ZCCHC14: variants seen among roughly 807,000 people sequenced by gnomAD.
The protein encoded by ZCCHC14 is zinc finger CCHC-type containing 14.
ZCCHC14 carries 16 observed loss-of-function variants against 85.0 expected under a neutral mutation model. That is an observed-to-expected ratio of 0.19 (90% CI 0.13 to 0.29). The LOEUF (loss-of-function observed/expected upper bound fraction) is 0.29. Ranked by LOEUF, ZCCHC14 falls within the 10% of genes least tolerant of loss-of-function variation. ZCCHC14 has a pLI of 1.00. For missense variants in ZCCHC14, 1,303 were observed against 1,443.5 expected (o/e 0.90, Z 1.58); for synonymous variants, 775 against 630.7 (o/e 1.23, Z -3.43).
intron 10 of ZCCHC14, among the ~76,000 whole-genome samples, chr16:87,413,464 C>G (rs1908595025): frequency 6.6e-6 from 1 of 152,284 alleles, no homozygotes; most frequent in African/African-American, 2.4e-5. Context: ...GCACCCCCAG[C>G]GCACCCCCAG....
Position 87,412,794 on chromosome 16 carries a change from G to T in ZCCHC14, c.1927C>A (p.Pro643Thr). The T allele has an allele frequency of 6.2e-7, 1 of 1,613,328 alleles. No individual in the cohort carries two copies. The highest frequency in any genetic ancestry group is 8.5e-7 in the Non-Finnish European group (1 of 1,179,522). Reference sequence around the variant, plus strand: ...TGCACGGAATTCAGCATGCGGATGGGTGTGATGTGTGAGGCTGCGCTCAGC... The same window carrying T: ...TGCACGGAATTCAGCATGCGGATGGTTGTGATGTGTGAGGCTGCGCTCAGC... The part of the protein sequence containing the change: ...QMLSAASHIT[P>T]IRMLNSVHKP... The change falls in exon 12 of 13, where the codon CCC becomes ACC. Residue 643 changes from proline (P) to threonine (T), a missense_variant. Physicochemically the swap from Pro to Thr is conservative, Grantham distance 38. Around this residue, in one of 7 missense-constraint regions of ZCCHC14, gnomAD observed 797 missense variants for 730.8 expected, o/e 1.09. Coordinates refer to ENST00000671377, the MANE Select transcript of ZCCHC14 (RefSeq NM_015144.3).
At position 87,408,488 on chromosome 16, in the gene ZCCHC14, G is replaced by C. The variant is rs1908299777; in HGVS notation, c.*1792C>G. The C allele has an allele frequency of 6.6e-6, 1 of 152,424 alleles. No homozygotes were observed. The highest frequency in any genetic ancestry group is 2.1e-4 in the South Asian group (1 of 4,824). 9.4% of individuals were successfully genotyped at this position (152,424 alleles called of 1,614,324 possible). On this transcript the variant is annotated 3_prime_UTR_variant, in exon 13 of 13. Transcript: ENST00000671377. The stretch of plus-strand genomic sequence containing the variant: ...AAGTTGTGTCAGTTCTCATTATTTT[G>C]ACATTTTGTAGTGTTTACAATTTAA...
rs757478004 is a variant in ZCCHC14, at chr16:87,433,162, G to C, written c.734C>G (p.Thr245Arg). The change falls in exon 3 of 13, where the codon ACA becomes AGA. Residue 245 changes from threonine (T) to arginine (R), a missense_variant. Transcript: ENST00000671377. ...ACATTCAACATTTCTGTCATTTTTTGTGTGTGATAATCCCTTCAGGTCTAT... is the reference window on the plus strand; with the variant it reads ...ACATTCAACATTTCTGTCATTTTTTCTGTGTGATAATCCCTTCAGGTCTAT... The part of the protein sequence containing the change: ...EKIDLKGLSH[T>R]KNDRNVECSF... The C allele has an allele frequency of 2.5e-6, 4 of 1,614,006 alleles. No individual in the cohort carries two copies. In the African/African-American group the frequency reaches 4.0e-5, roughly 16 times the overall value.
chr16:87,424,190 G>C (rs1216364288), intron 3 of ZCCHC14, among the ~76,000 whole-genome samples: 1 of 152,226 alleles, frequency 6.6e-6, no homozygotes, highest in African/African-American at 2.4e-5. Flanking sequence ...TGTGTGCCCT[G>C]TTCAACTTCC....
chr16:87,413,344 C>T lies in ZCCHC14; in HGVS notation c.1604-149G>A, dbSNP rs558249023. 5.1e-5 allele frequency: 60 copies of T among 1,168,654 alleles called. No individual in the cohort carries two copies. The African/African-American group carries it at 6.8e-4, about 13-fold the overall frequency. The allele number at this position is 1,168,654 out of a possible 1,614,324, so 72.4% of individuals were successfully genotyped here. ...AGAAAACGAACACGCCGGCCCAGGC[C>T]GCACGGTGACGGATGCAGCAGAGAT... On this transcript the variant is annotated intron_variant, in intron 10 of 12. Coordinates refer to ENST00000671377, the MANE Select transcript of ZCCHC14 (RefSeq NM_015144.3).
At chr16:87,438,969 G>A (rs1403771188) in intron 2 of ZCCHC14, among the ~76,000 whole-genome samples, 1 of 152,166 alleles carries the variant, frequency 6.6e-6, no homozygotes, top group Non-Finnish European at 1.5e-5. Flanking sequence ...TGGATTATAA[G>A]GGACTCAGAA....
chr16:87,429,588 C>T (rs1442882436), intron 3 of ZCCHC14, among the ~76,000 whole-genome samples: 1 of 152,178 alleles, frequency 6.6e-6, no homozygotes, highest in South Asian at 2.1e-4. Flanking sequence ...CAAGACCAGT[C>T]TGGGTGACAG....
intron 2 of ZCCHC14, among the ~76,000 whole-genome samples, chr16:87,447,921 T>G (rs1254005296): frequency 1.3e-5 from 2 of 152,224 alleles, no homozygotes; most frequent in Non-Finnish European, 2.9e-5. Flanking sequence ...CCTGTGGCTT[T>G]GATGTGCATT....
rs1301918352 is a variant in ZCCHC14 at position 87,412,174 on chromosome 16, G to A, written c.2547C>T (p.His849=). ...ANSNTASPSS[H]PSTSFANMAT... ...CCATGTTGGCAAAGGACGTGGAGGG[G>A]TGGCTGCTGGGAGAGGCAGTGTTGC... Residue 849 remains histidine (H), a synonymous_variant, in exon 12 of 13, where the codon CAC becomes CAT. Transcript: ENST00000671377. 3.1e-6 allele frequency: 5 copies of A among 1,613,960 alleles called. 1 individual carries two copies. The highest frequency in any genetic ancestry group is 4.2e-6 in the Non-Finnish European group (5 of 1,180,042).
At chr16:87,458,324 G>A (rs925256460) in intron 2 of ZCCHC14, among the ~76,000 whole-genome samples, 1 of 152,136 alleles carries the variant, frequency 6.6e-6, no homozygotes, top group Non-Finnish European at 1.5e-5. Flanking sequence ...CTGCAATTCC[G>A]ACGCCAAGTG....
intron 2 of ZCCHC14, among the ~76,000 whole-genome samples, chr16:87,455,797 TTC>T (rs1217241156): frequency 1.3e-5 from 2 of 152,184 alleles, no homozygotes; most frequent in African/African-American, 4.8e-5. Flanking sequence ...CATACAACCA[TTC>T]TGTTTTCCAC....
chr16:87,410,629 C>A (rs917216482), intron 12 of ZCCHC14, among the ~76,000 whole-genome samples: 1 of 152,226 alleles, frequency 6.6e-6, no homozygotes, highest in African/African-American at 2.4e-5. Flanking sequence ...CTCTAACATG[C>A]GTCCTTTCAC....
intron 1 of ZCCHC14, chr16:87,471,637 G>C (rs1567539901): frequency 6.6e-6 from 1 of 152,312 alleles, no homozygotes; most frequent in African/African-American, 2.4e-5. Flanking sequence ...TCCCACCAGG[G>C]GCCAACCACA....
intron 2 of ZCCHC14, among the ~76,000 whole-genome samples, chr16:87,433,430 G>C (rs1311801066): frequency 6.6e-6 from 1 of 152,102 alleles, no homozygotes; most frequent in East Asian, 1.9e-4. Context: ...AGCCACACCT[G>C]GCAATGGAAG....
At chr16:87,458,845 G>A (rs950058809) in intron 2 of ZCCHC14, among the ~76,000 whole-genome samples, 20 of 152,132 alleles carry the variant, frequency 1.3e-4, no homozygotes, top group Admixed American at 9.2e-4. Context: ...AGCCGGCCTC[G>A]GTACCTCTAT....
At position 87,423,872 on chromosome 16, in the gene ZCCHC14, A is replaced by C; in HGVS notation, c.778T>G (p.Ser260Ala). 2 of 1,614,084 alleles carry C rather than the reference A, an allele frequency of 1.2e-6. No homozygotes were observed. The highest frequency in any genetic ancestry group is 1.7e-6 in the Non-Finnish European group (2 of 1,179,992). The change falls in exon 4 of 13, where the codon TCT (serine) becomes GCT (alanine). Residue 260 changes from serine (S) to alanine (A), a missense_variant. Physicochemically the swap from Ser to Ala is moderately conservative, Grantham distance 99. Coordinates refer to ENST00000671377, the MANE Select transcript of ZCCHC14 (RefSeq NM_015144.3). Reference protein sequence around the residue: ...NVECSFEVLWSDSSITSVTKS... With the variant: ...NVECSFEVLWADSSITSVTKS... ...GTTACTGATGTTATTGAAGAATCAG[A>C]CCACAAGACCTTAAAAACAAACAAA...
chr16:87,420,773 A>G lies in ZCCHC14; in HGVS notation c.841-57T>C. The G allele has an allele frequency of 1.4e-6, 2 of 1,448,466 alleles. No homozygotes were observed. Among genetic ancestry groups the G allele is most frequent in the Non-Finnish European group, 9.4e-7 (1 of 1,063,418 alleles). 89.7% of individuals were successfully genotyped at this position (1,448,466 alleles called of 1,614,324 possible). On this transcript the variant is annotated intron_variant, in intron 4 of 12. Coordinates refer to ENST00000671377, the MANE Select transcript of ZCCHC14 (RefSeq NM_015144.3). This position sits in a 1 kb window ranked among gnomAD's most constrained non-coding sequence, Gnocchi z 5.0. ...TCCAGACCCATCCAACACCAGCAGAATTCTGCTACTGCAGGAAAACCTGGG... is the reference window on the plus strand; with the variant it reads ...TCCAGACCCATCCAACACCAGCAGAGTTCTGCTACTGCAGGAAAACCTGGG...
At position 87,460,083 on chromosome 16, in the gene ZCCHC14, C is replaced by T; in HGVS notation, c.619G>A (p.Glu207Lys). The T allele has an allele frequency of 1.2e-6, 2 of 1,614,150 alleles. No individual in the cohort carries two copies. The highest frequency in any genetic ancestry group is 1.7e-6 in the Non-Finnish European group (2 of 1,180,032). The stretch of plus-strand genomic sequence containing the variant: ...TGTGCTGATGTGTGCAGGGCATTCT[C>T]CAAACTATTACTGACACTGCTGACA... ...APVSSVSNSL[E>K]NALHTSAHST... is the part of the protein sequence containing the mutation. Residue 207 changes from glutamate (E) to lysine (K), a missense_variant, in exon 2 of 13, where the codon GAG (glutamate) becomes AAG (lysine). Transcript: ENST00000671377.
chr16:87,411,474 T>C (rs1908431368), intron 12 of ZCCHC14, 42 bp downstream of exon 12: 3 of 1,606,072 alleles, frequency 1.9e-6, no homozygotes, highest in East Asian at 4.5e-5. Context: ...TGTGCACTGG[T>C]CCTGCGGGAG....
Sources: allele counts gnomAD v4.1 joint callset (sites outside exome capture counted in the v4.1 genomes callset), GRCh38; gene constraint gnomAD v4.1.1; regional missense constraint gnomAD v4.1.1; non-coding constraint Gnocchi (gnomAD v3.1); transcripts MANE v1.5; gene names NCBI Gene and HGNC (gene_info 2026-07-23, HGNC 2026-07-21).